The following XKR9 variants were observed in gnomAD, a reference collection of about 807,000 sequenced individuals.
The protein encoded by XKR9 is XK related 9.
A neutral mutation model predicts 32.0 loss-of-function variants in XKR9; 32 were observed. That is an observed-to-expected ratio of 1.00 (90% CI 0.76 to 1.34). The LOEUF (loss-of-function observed/expected upper bound fraction) is 1.34. XKR9 is among the 40% of genes most tolerant of loss of function. XKR9 has a pLI of 0.00. For missense variants in XKR9, 546 were observed against 429.7 expected (o/e 1.27, Z -2.39); for synonymous variants, 168 against 143.4 (o/e 1.17, Z -1.22).
the XKR9 span, among the ~76,000 whole-genome samples, chr8:70,936,683 G>T: frequency 1.2e-4 from 19 of 152,054 alleles, no homozygotes; most frequent in Admixed American, 1.2e-3. Flanking sequence ...TTCCTGTTTA[G>T]TCTAAACCAC....
chr8:70,701,566 A>G (rs1013980051), intron 3 of XKR9, among the ~76,000 whole-genome samples: 2 of 152,212 alleles, frequency 1.3e-5, no homozygotes, highest in African/African-American at 4.8e-5. Flanking sequence ...GAAGTGGCAG[A>G]ATACTGAGAT....
the XKR9 span, among the ~76,000 whole-genome samples, chr8:71,009,124 A>G: frequency 6.6e-6 from 1 of 152,026 alleles, no homozygotes; most frequent in East Asian, 1.9e-4. Flanking sequence ...GCACTATGGG[A>G]TGTGGGGTCT....
Position 70,755,788 on chromosome 8 carries a change from A to G in XKR9, n.353-33551A>G, listed in dbSNP as rs552882617. Among the ~76,000 whole-genome samples, 145 of 151,428 alleles carry G rather than the reference A, an allele frequency of 9.6e-4. 1 individual carries two copies. The highest frequency in any genetic ancestry group is 3.4e-3 in the African/African-American group (141 of 41,244). On this transcript the variant is annotated intron_variant and non_coding_transcript_variant, in intron 2 of 3. Coordinates refer to the XKR9 transcript ENST00000520273. The stretch of plus-strand genomic sequence containing the variant: ...GTGGGGGGAGGGGGGGAGGGTTAGC[A>G]TTAGGAGATATACCTAATGCTAAAT...
the XKR9 span, among the ~76,000 whole-genome samples, chr8:70,825,611 A>G: frequency 1.1e-4 from 17 of 152,076 alleles, no homozygotes; most frequent in Admixed American, 7.9e-4. Flanking sequence ...GGAAGCACCA[A>G]GTTCTTGTAG....
chr8:70,992,555 T>A, the XKR9 span, among the ~76,000 whole-genome samples: 3 of 152,210 alleles, frequency 2.0e-5, no homozygotes, highest in Non-Finnish European at 2.9e-5. Flanking sequence ...TTTGCCTGGC[T>A]TTGTGAGACC....
the XKR9 span, among the ~76,000 whole-genome samples, chr8:70,878,831 C>G: frequency 1.3e-5 from 2 of 152,238 alleles, no homozygotes; most frequent in East Asian, 3.9e-4. Context: ...GAACTCTCCA[C>G]CCCAAATCAA....
chr8:70,812,732 C>T, the XKR9 span, among the ~76,000 whole-genome samples: 6 of 152,142 alleles, frequency 3.9e-5, no homozygotes, highest in African/African-American at 7.2e-5. Flanking sequence ...ATCCAACTCA[C>T]AAGGGATATG....
chr8:70,700,145 G>A (rs1563432116), intron 3 of XKR9, among the ~76,000 whole-genome samples: 1 of 152,180 alleles, frequency 6.6e-6, no homozygotes, highest in Non-Finnish European at 1.5e-5. Context: ...CTGTAGGTCA[G>A]AGTAGTTTGA....
chr8:70,768,520 T>C (rs1439986967), intron 2 of XKR9, among the ~76,000 whole-genome samples: 1 of 152,086 alleles, frequency 6.6e-6, no homozygotes. Context: ...GACAGTGGAG[T>C]GTAAAGTCTC....
chr8:70,745,964 G>A (rs542174832), intron 2 of XKR9, among the ~76,000 whole-genome samples: 2 of 152,214 alleles, frequency 1.3e-5, no homozygotes, highest in African/African-American at 4.8e-5. Context: ...CTGAGCATTT[G>A]CACATATACA....
the XKR9 span, among the ~76,000 whole-genome samples, chr8:71,040,816 T>TTTA: frequency 5.9e-5 from 9 of 152,290 alleles, no homozygotes; most frequent in East Asian, 1.7e-3. Flanking sequence ...AAATGGATAG[T>TTTA]TTATTAGCTA....
the XKR9 span, among the ~76,000 whole-genome samples, chr8:71,016,830 A>G: frequency 8.1e-6 from 1 of 122,936 alleles, no homozygotes. Flanking sequence ...TTCATTGGTC[A>G]TATGCTCTTT....
At chr8:70,935,794 A>C in the XKR9 span, among the ~76,000 whole-genome samples, 514 of 152,176 alleles carry the variant, frequency 3.4e-3, 1 homozygote, top group African/African-American at 0.012. Flanking sequence ...AAGAAGAATA[A>C]TTCTGTTTGT....
chr8:70,740,652 T>C (rs1219664151), downstream of XKR9, among the ~76,000 whole-genome samples: 5 of 152,148 alleles, frequency 3.3e-5, no homozygotes, highest in Admixed American at 1.3e-4. Flanking sequence ...TTGGTGTGGA[T>C]GTCCTTTCTG....
chr8:70,965,476 G>A, the XKR9 span, among the ~76,000 whole-genome samples: 13 of 152,222 alleles, frequency 8.5e-5, no homozygotes, highest in Admixed American at 4.6e-4. Context: ...AATTAGTTGC[G>A]GAGGAGTACC....
At chr8:70,856,150 G>T in the XKR9 span, among the ~76,000 whole-genome samples, 2 of 152,042 alleles carry the variant, frequency 1.3e-5, no homozygotes, top group Non-Finnish European at 2.9e-5. Flanking sequence ...ATATAAATGG[G>T]CGAAATGCTC....
At chr8:70,804,397 A>G in the XKR9 span, among the ~76,000 whole-genome samples, 27 of 152,388 alleles carry the variant, frequency 1.8e-4, no homozygotes, top group Admixed American at 3.9e-4. Flanking sequence ...ACTTTTATAT[A>G]CAGTACAACT....
chr8:70,879,610 A>G, the XKR9 span, among the ~76,000 whole-genome samples: 27 of 152,192 alleles, frequency 1.8e-4, no homozygotes, highest in Non-Finnish European at 4.4e-5. Flanking sequence ...TAAACCAGAA[A>G]GAATTTGAAT....
chr8:70,918,389 G>GA, the XKR9 span, among the ~76,000 whole-genome samples: 114 of 152,254 alleles, frequency 7.5e-4, no homozygotes, highest in African/African-American at 2.5e-3. Flanking sequence ...AGAAGGACTT[G>GA]AAGGAAACAA....
Sources: gnomAD v4.1 joint callset for allele counts (sites outside exome capture counted in the v4.1 genomes callset) on GRCh38, gnomAD v4.1.1 for gene constraint, MANE v1.5 for transcripts, NCBI Gene and HGNC (gene_info 2026-07-23, HGNC 2026-07-21) for gene names.